Variants in ACSBG2 observed in about 807,000 individuals in gnomAD.
The protein encoded by ACSBG2 is acyl-CoA synthetase bubblegum family member 2.
ACSBG2 carries 62 observed loss-of-function variants against 74.7 expected under a neutral mutation model. The ratio of observed to expected loss-of-function variants is 0.83; its 90% CI spans 0.68 to 1.03. ACSBG2 has a LOEUF of 1.03. Ranked by LOEUF, ACSBG2 falls within the 50% of genes least tolerant of loss-of-function variation. ACSBG2 has a pLI of 0.00. For missense variants in ACSBG2, 730 were observed against 817.6 expected (o/e 0.89, Z 1.31); for synonymous variants, 309 against 294.1 (o/e 1.05, Z -0.52).
rs572413309 is a variant in ACSBG2, at chr19:6,168,774, C to T, written c.738+2759C>T. Among the ~76,000 whole-genome samples the T allele has an allele frequency of 1.1e-4, 17 of 152,124 alleles. No individual in the cohort carries two copies. In the South Asian group the frequency reaches 3.5e-3, roughly 32 times the overall value. On this transcript the variant is annotated intron_variant, in intron 7 of 14. Coordinates refer to ENST00000588485, the MANE Select transcript of ACSBG2 (RefSeq NM_030924.5). The stretch of plus-strand genomic sequence containing the variant: ...TTCCTTATAGATTCTGAATATTAGT[C>T]CTTTTTTATTTTTATTTTTTTTGAA...
At position 6,183,237 on chromosome 19, in the gene ACSBG2, C is replaced by A; in HGVS notation, c.1287C>A (p.His429Gln). Residue 429 changes from histidine (H) to glutamine (Q), a missense_variant, in exon 10 of 15, where the codon CAC becomes CAA. Coordinates refer to ENST00000588485, the MANE Select transcript of ACSBG2 (RefSeq NM_030924.5). ...LYGLSESSGP[H>Q]TISNQNNYRL... Reference sequence around the variant, plus strand: ...GGTTGAGTGAGAGCTCGGGACCCCACACGATATCCAACCAGAATAACTACA... The same window carrying A: ...GGTTGAGTGAGAGCTCGGGACCCCAAACGATATCCAACCAGAATAACTACA... 6.2e-7 allele frequency: 1 copy of A among 1,614,182 alleles called. No homozygotes were observed. The highest frequency in any genetic ancestry group is 1.1e-5 in the South Asian group (1 of 91,086).
At position 6,177,404 on chromosome 19, in the gene ACSBG2, T is replaced by C. The variant is rs374402561; in HGVS notation, c.906+8T>C. 77 of 1,581,848 alleles carry C rather than the reference T, an allele frequency of 4.9e-5. No homozygotes were observed. In the African/African-American group the frequency reaches 8.8e-4, roughly 18 times the overall value. Reference sequence around the variant, plus strand: ...CAAGCAGATGCTCTCAAGGTAAGATTGAGTAAGGACCTGGGGCTCCGACTT... The same window carrying C: ...CAAGCAGATGCTCTCAAGGTAAGATCGAGTAAGGACCTGGGGCTCCGACTT... On this transcript the variant is annotated splice_region_variant and intron_variant, in intron 8 of 14. Transcript: ENST00000588485.
At chr19:6,140,044 A>T (rs574293204) in intron 1 of ACSBG2, among the ~76,000 whole-genome samples, 1 of 152,236 alleles carries the variant, frequency 6.6e-6, no homozygotes, top group Non-Finnish European at 1.5e-5. Context: ...AAACACGGTG[A>T]AACCCAGTCT....
At chr19:6,177,504 T>A in intron 8 of ACSBG2, 108 bp downstream of exon 8, 1 of 1,182,184 alleles carries the variant, frequency 8.5e-7, no homozygotes, top group Non-Finnish European at 1.2e-6. Flanking sequence ...GCCCCATGTC[T>A]AACGGTTTTA....
intron 5 of ACSBG2, among the ~76,000 whole-genome samples, chr19:6,160,392 AAAAAAAAAAAAAG>A (rs1191406957): frequency 6.7e-6 from 1 of 148,592 alleles, no homozygotes; most frequent in African/African-American, 2.6e-5. Flanking sequence ...TCCGTCTCAA[AAAAAAAAAAAAAG>A]AAAGAAAGAA....
At chr19:6,186,937 T>A (rs1484296257) in intron 11 of ACSBG2, among the ~76,000 whole-genome samples, 1 of 151,802 alleles carries the variant, frequency 6.6e-6, no homozygotes, top group Non-Finnish European at 1.5e-5. Context: ...GCTCAAGTGA[T>A]CTGCCCACCT....
chr19:6,190,286 TA>T (rs1184898760), intron 13 of ACSBG2: 4 of 298,266 alleles, frequency 1.3e-5, no homozygotes, highest in East Asian at 7.0e-5. Flanking sequence ...AAAATGGGGA[TA>T]GGGGTATGGT....
At chr19:6,182,067 G>A (rs919112499) in intron 8 of ACSBG2, among the ~76,000 whole-genome samples, 1 of 152,122 alleles carries the variant, frequency 6.6e-6, no homozygotes, top group East Asian at 1.9e-4. Flanking sequence ...AAACCAGGAC[G>A]GTTGTTCACC....
At chr19:6,149,007 T>A (rs2089141135) in intron 3 of ACSBG2, among the ~76,000 whole-genome samples, 1 of 152,060 alleles carries the variant, frequency 6.6e-6, no homozygotes, top group Non-Finnish European at 1.5e-5. Context: ...CTCAGGAAGC[T>A]GAGGCAGGAG....
At chr19:6,151,921 G>T (rs1332845440) in intron 4 of ACSBG2, 126 bp downstream of exon 4, 18 of 784,740 alleles carry the variant, frequency 2.3e-5, no homozygotes, top group Non-Finnish European at 2.9e-5. Flanking sequence ...TAGCAGGCAG[G>T]ATAGATGCAC....
chr19:6,184,832 GAAAAA>G (rs371866289), intron 10 of ACSBG2, among the ~76,000 whole-genome samples: 338 of 13,510 alleles, frequency 0.025, 14 homozygotes, highest in African/African-American at 0.039. Context: ...ATGTGGAGAT[GAAAAA>G]AAAAAAAAAA....
At chr19:6,177,191 T>C (rs199780488) in intron 7 of ACSBG2, 38 bp from the exon 8 acceptor site, 2 of 1,601,094 alleles carry the variant, frequency 1.2e-6, no homozygotes, top group Non-Finnish European at 8.5e-7. Context: ...GGCCCTTCTA[T>C]GAGGGTGAGG....
At chr19:6,185,038 T>A (rs2090368296) in intron 10 of ACSBG2, among the ~76,000 whole-genome samples, 1 of 151,982 alleles carries the variant, frequency 6.6e-6, no homozygotes, top group Admixed American at 6.6e-5. Flanking sequence ...TTCTCCCACC[T>A]CAGCCTCCCA....
intron 4 of ACSBG2, 132 bp downstream of exon 4, chr19:6,151,927 T>C: frequency 1.3e-6 from 1 of 742,336 alleles, no homozygotes; most frequent in Non-Finnish European, 2.3e-6. Flanking sequence ...GCAGGATAGA[T>C]GCACGAACAA....
At chr19:6,184,633 A>G (rs549447389) in intron 10 of ACSBG2, among the ~76,000 whole-genome samples, 17 of 151,190 alleles carry the variant, frequency 1.1e-4, no homozygotes, top group Non-Finnish European at 1.9e-4. Flanking sequence ...AAAAAAAGAC[A>G]AAGAACCCAG....
At chr19:6,184,862 A>ACAAAACAAACAAAC (rs1568254764) in intron 10 of ACSBG2, among the ~76,000 whole-genome samples, 1 of 137,410 alleles carries the variant, frequency 7.3e-6, no homozygotes, top group Non-Finnish European at 1.5e-5. Context: ...AAAAAAAAAA[A>ACAAAACAAACAAAC]AAAAAAAAAA....
intron 4 of ACSBG2, among the ~76,000 whole-genome samples, chr19:6,155,984 C>T (rs2089408526): frequency 6.7e-6 from 1 of 150,366 alleles, no homozygotes; most frequent in African/African-American, 2.4e-5. Flanking sequence ...AGGAAAGTAG[C>T]CAAAAGGCAC....
chr19:6,139,845 G>A (rs777992509), intron 1 of ACSBG2, among the ~76,000 whole-genome samples: 69 of 152,122 alleles, frequency 4.5e-4, no homozygotes, highest in South Asian at 4.1e-4. Flanking sequence ...TTGGGAGGCC[G>A]AGGCAGGCAG....
Position 6,181,816 on chromosome 19 carries a change from C to CCCCA in ACSBG2, c.907-932_907-931insACCC, listed in dbSNP as rs1555696880. The stretch of plus-strand genomic sequence containing the variant: ...TGCATTTGAATAGTCCCCACCCGCC[C>CCCCA]CCCCCCCCAACGAAATTTCCTTGGC... On this transcript the variant is annotated intron_variant, in intron 8 of 14. Transcript: ENST00000588485. Among the ~76,000 whole-genome samples, 4 of 107,330 alleles carry CCCCA rather than the reference C, an allele frequency of 3.7e-5. 1 individual carries two copies. Among genetic ancestry groups the CCCCA allele is most frequent in the African/African-American group, 1.5e-4 (4 of 26,620 alleles). 70.4% of individuals were successfully genotyped at this position (107,330 alleles called of 152,430 possible).
Sources: gnomAD v4.1 joint callset for allele counts (sites outside exome capture counted in the v4.1 genomes callset) on GRCh38, gnomAD v4.1.1 for gene constraint, MANE v1.5 for transcripts, NCBI Gene and HGNC (gene_info 2026-07-23, HGNC 2026-07-21) for gene names.